FAM13C: variants seen among roughly 807,000 people sequenced by gnomAD.
FAM13C encodes family with sequence similarity 13 member C, also known as protein FAM13C.
Under a neutral mutation model 73.2 loss-of-function variants are expected in FAM13C, and 37 were observed. The observed-to-expected ratio is 0.51, with a 90% confidence interval of 0.39 to 0.67. The LOEUF (loss-of-function observed/expected upper bound fraction) is 0.67. Ranked by LOEUF, FAM13C falls within the 30% of genes least tolerant of loss-of-function variation. The pLI is 0.00. For missense variants in FAM13C, 589 were observed against 715.6 expected, an observed-to-expected ratio of 0.82 and a Z score of 2.02; for synonymous variants, 246 against 260.9, an observed-to-expected ratio of 0.94 and a Z score of 0.55.
intron 7 of FAM13C, among the ~76,000 whole-genome samples, chr10:59,269,591 G>C (rs903053819): frequency 5.3e-5 from 8 of 152,290 alleles, no homozygotes; most frequent in African/African-American, 1.7e-4. Context: ...AGTTCATCAA[G>C]AATGATATGT....
intron 3 of FAM13C, among the ~76,000 whole-genome samples, chr10:59,326,826 A>G (rs1186456931): frequency 6.6e-6 from 1 of 152,172 alleles, no homozygotes; most frequent in Admixed American, 6.5e-5. Context: ...AGTCTGCCCT[A>G]GGTGAGTTCC....
At chr10:59,324,860 A>C (rs577258828) in intron 3 of FAM13C, among the ~76,000 whole-genome samples, 1 of 152,090 alleles carries the variant, frequency 6.6e-6, no homozygotes, top group Admixed American at 6.6e-5. Context: ...ACTTAGAAAA[A>C]CTCCAGAGTG....
At chr10:59,295,619 C>T (rs376205472) in intron 5 of FAM13C, among the ~76,000 whole-genome samples, 1 of 152,138 alleles carries the variant, frequency 6.6e-6, no homozygotes, top group Non-Finnish European at 1.5e-5. Context: ...AAGCAGAAAA[C>T]CCAGTTGAGT....
intron 10 of FAM13C, among the ~76,000 whole-genome samples, chr10:59,260,392 A>T (rs1251665099): frequency 6.6e-6 from 1 of 152,156 alleles, no homozygotes; most frequent in African/African-American, 2.4e-5. Context: ...ATCTCATGCC[A>T]TCCTGTTCTC....
At chr10:59,279,492 T>C (rs369677699) in intron 6 of FAM13C, among the ~76,000 whole-genome samples, 12 of 152,352 alleles carry the variant, frequency 7.9e-5, no homozygotes, top group African/African-American at 2.4e-4. Flanking sequence ...AAAGTACTGC[T>C]ATGGAATTAT....
chr10:59,246,821 A>G lies in FAM13C; in HGVS notation c.*793T>C. 2.6e-6 allele frequency: 1 copy of G among 388,382 alleles called. No individual in the cohort carries two copies. Among genetic ancestry groups the G allele is most frequent in the Non-Finnish European group, 4.6e-6 (1 of 219,634 alleles). 24.1% of individuals were successfully genotyped at this position (388,382 alleles called of 1,614,324 possible). On this transcript the variant is annotated 3_prime_UTR_variant, in exon 14 of 14. Transcript: ENST00000618804. Reference sequence around the variant, plus strand: ...TCTTATAGTAAACCAAAAGATTAGCAATAATACTATGGACACATTAGATTA... The same window carrying G: ...TCTTATAGTAAACCAAAAGATTAGCGATAATACTATGGACACATTAGATTA...
intron 13 of FAM13C, among the ~76,000 whole-genome samples, chr10:59,249,901 A>G (rs1244730055): frequency 6.6e-6 from 1 of 152,218 alleles, no homozygotes; most frequent in Non-Finnish European, 1.5e-5. Flanking sequence ...ATGTATGACA[A>G]AAAGCACACC....
At chr10:59,249,700 A>G (rs1841182823) in intron 13 of FAM13C, among the ~76,000 whole-genome samples, 2 of 151,846 alleles carry the variant, frequency 1.3e-5, no homozygotes, top group South Asian at 4.2e-4. Flanking sequence ...AAACAAAATT[A>G]AGGTCCATAT....
At chr10:59,323,020 A>G (rs1850533433) in intron 4 of FAM13C, among the ~76,000 whole-genome samples, 1 of 152,192 alleles carries the variant, frequency 6.6e-6, no homozygotes, top group Non-Finnish European at 1.5e-5. Flanking sequence ...TTGAGGTTCT[A>G]TTATTCTAAA....
At chr10:59,327,870 C>G (rs1851393145) in intron 3 of FAM13C, among the ~76,000 whole-genome samples, 1 of 152,092 alleles carries the variant, frequency 6.6e-6, no homozygotes, top group African/African-American at 2.4e-5. Flanking sequence ...GGTAAGAGAG[C>G]AGATTCTAAC....
chr10:59,302,975 G>T, intron 4 of FAM13C, 111 bp from the exon 5 acceptor site: 1 of 845,648 alleles, frequency 1.2e-6, no homozygotes, highest in South Asian at 1.5e-5. Flanking sequence ...ACCCTTGGTT[G>T]TGTCCCACTG....
chr10:59,279,776 G>A (rs1844726746), intron 6 of FAM13C, among the ~76,000 whole-genome samples: 1 of 152,150 alleles, frequency 6.6e-6, no homozygotes, highest in South Asian at 2.1e-4. Flanking sequence ...GAGGTATTTT[G>A]AGCCTATTAT....
At chr10:59,272,621 C>T (rs549649339) in intron 6 of FAM13C, among the ~76,000 whole-genome samples, 59 of 152,268 alleles carry the variant, frequency 3.9e-4, no homozygotes, top group African/African-American at 1.3e-3. Flanking sequence ...ACTCATCCTG[C>T]GATGCAGTAT....
chr10:59,342,386 T>A (rs774082199), intron 3 of FAM13C, among the ~76,000 whole-genome samples: 3 of 151,524 alleles, frequency 2.0e-5, no homozygotes, highest in Non-Finnish European at 4.4e-5. Flanking sequence ...CTGGCAGCTC[T>A]CAGACCACAT....
At chr10:59,257,193 C>G (rs1488656350) in intron 10 of FAM13C, among the ~76,000 whole-genome samples, 1 of 152,152 alleles carries the variant, frequency 6.6e-6, no homozygotes, top group East Asian at 1.9e-4. Context: ...ATATAGGACA[C>G]AATTTGATAT....
intron 4 of FAM13C, 63 bp from the exon 5 acceptor site, chr10:59,302,927 A>G (rs1847769687): frequency 5.4e-6 from 8 of 1,480,166 alleles, no homozygotes; most frequent in Non-Finnish European, 7.5e-6. Flanking sequence ...GTACATGTGA[A>G]GCTGGTGGCT....
intron 4 of FAM13C, among the ~76,000 whole-genome samples, chr10:59,313,448 C>T (rs1006803588): frequency 1.3e-5 from 2 of 152,186 alleles, no homozygotes; most frequent in Admixed American, 6.5e-5. Context: ...AAAATGACCA[C>T]TTTCTTGATC....
chr10:59,328,941 C>A (rs951319788), intron 3 of FAM13C, among the ~76,000 whole-genome samples: 1 of 152,122 alleles, frequency 6.6e-6, no homozygotes, highest in East Asian at 1.9e-4. Flanking sequence ...ACCCAAGAGT[C>A]CCTTTTTTCT....
chr10:59,253,387 A>C (rs1841600737), intron 11 of FAM13C, among the ~76,000 whole-genome samples: 2 of 152,186 alleles, frequency 1.3e-5, no homozygotes, highest in Non-Finnish European at 2.9e-5. Flanking sequence ...TGGACTACGG[A>C]CAACTTTTAT....
Sources: gnomAD v4.1 joint callset for allele counts (sites outside exome capture counted in the v4.1 genomes callset) on GRCh38, gnomAD v4.1.1 for gene constraint, MANE v1.5 for transcripts, NCBI Gene and HGNC (gene_info 2026-07-23, HGNC 2026-07-21) for gene names.